The following ALS2 variants were observed in gnomAD, a reference collection of about 807,000 sequenced individuals.
The protein encoded by ALS2 is alsin.
In ALS2, 117 loss-of-function variants were observed where a neutral mutation model predicts 203.4. That is an observed-to-expected ratio of 0.58 (90% CI 0.50 to 0.67). ALS2 has a LOEUF of 0.67. ALS2 is among the 30% of genes least tolerant of loss of function. The pLI is 0.00. For synonymous variants in ALS2, 718 were observed against 725.9 expected (o/e 0.99, Z 0.17); for missense variants, 1,715 against 1,989.4 (o/e 0.86, Z 2.62).
At chr2:201,769,273 C>T (rs567168409) in intron 1 of ALS2, among the ~76,000 whole-genome samples, 142 of 152,222 alleles carry the variant, frequency 9.3e-4, no homozygotes, top group African/African-American at 3.2e-3. Context: ...GTGTTAAGTA[C>T]AAAAAGTACA....
rs562625853 is a variant in ALS2 at position 201,744,549 on chromosome 2, C to A, written c.1999-120G>T. On this transcript the variant is annotated intron_variant, in intron 9 of 33. Transcript: ENST00000264276. Reference sequence around the variant, plus strand: ...AACTGTTAAATATTCAGAAAATTTGCAAGCAAGTAATTAAACCATTGGCAG... The same window carrying A: ...AACTGTTAAATATTCAGAAAATTTGAAAGCAAGTAATTAAACCATTGGCAG... The A allele has an allele frequency of 1.1e-5, 12 of 1,085,096 alleles. No homozygotes were observed. In the South Asian group the frequency reaches 1.7e-4, roughly 15 times the overall value. The allele number at this position is 1,085,096 out of a possible 1,614,324, so 67.2% of individuals were successfully genotyped here. A position where few individuals can be genotyped will look rare whatever the true frequency, so the allele number is the denominator to read the frequency against.
chr2:201,741,531 T>G, intron 11 of ALS2, 143 bp downstream of exon 11: 1 of 872,152 alleles, frequency 1.1e-6, no homozygotes, highest in Non-Finnish European at 1.8e-6. Flanking sequence ...AGAACTATAG[T>G]TGGCTTAAGA....
At position 201,729,106 on chromosome 2, in the gene ALS2, C is replaced by A. The variant is rs1370816047; in HGVS notation, c.2658G>T (p.Arg886Ser). 1 of 1,614,042 alleles carries A rather than the reference C, an allele frequency of 6.2e-7. No homozygotes were observed. Among genetic ancestry groups the A allele is most frequent in the Non-Finnish European group, 8.5e-7 (1 of 1,180,014 alleles). The change falls in exon 14 of 34, where the codon AGG (arginine) becomes AGT (serine). Residue 886 changes from arginine to serine, a missense_variant. Arg to Ser is a moderately radical substitution (Grantham distance 110, BLOSUM62 -1). Around this residue, in one of 3 missense-constraint regions of ALS2, gnomAD observed 1,227 missense variants for 1,413.5 expected, o/e 0.87. Coordinates refer to ENST00000264276, the MANE Select transcript of ALS2 (RefSeq NM_020919.4). ...AGCCCAGTGTGTATTCTGCTTCCTT[C>A]CTTTTCCTGCCGAGATGGAGAGCAA... is the stretch of plus-strand genomic sequence containing the variant. Reference protein sequence around the residue: ...ECLALHLGRKRKEAEYTLGFW... With the variant: ...ECLALHLGRKSKEAEYTLGFW...
chr2:201,704,280 T>C (rs1171974900), intron 32 of ALS2, 62 bp from the exon 33 acceptor site: 6 of 1,533,662 alleles, frequency 3.9e-6, no homozygotes, highest in Non-Finnish European at 3.6e-6. Context: ...TCCTTTTGAA[T>C]CTAGTTGATG....
chr2:201,753,088 A>T (rs1693163580), intron 7 of ALS2, 58 bp downstream of exon 7: 10 of 1,348,128 alleles, frequency 7.4e-6, no homozygotes, highest in Non-Finnish European at 1.1e-5. Flanking sequence ...AGGGTCCAAC[A>T]ATGTCATGTT....
chr2:201,743,160 C>A (rs1692398981), intron 10 of ALS2, among the ~76,000 whole-genome samples: 1 of 151,958 alleles, frequency 6.6e-6, no homozygotes, highest in African/African-American at 2.4e-5. Context: ...GAGAATTAAC[C>A]TGAATTCTGG....
intron 3 of ALS2, chr2:201,765,782 T>C (rs1365857641): frequency 1.2e-5 from 2 of 167,046 alleles, no homozygotes; most frequent in Non-Finnish European, 2.9e-5. Context: ...GTTTCGGTAA[T>C]AGACTCATAG....
intron 3 of ALS2, among the ~76,000 whole-genome samples, chr2:201,765,075 G>A (rs1385064472): frequency 3.3e-5 from 5 of 151,832 alleles, no homozygotes; most frequent in Middle Eastern, 3.4e-3. Flanking sequence ...CTCACTGCAC[G>A]CAGCTTTGGT....
chr2:201,772,311 G>C (rs1225615351), intron 1 of ALS2, among the ~76,000 whole-genome samples: 1 of 152,018 alleles, frequency 6.6e-6, no homozygotes, highest in Non-Finnish European at 1.5e-5. Flanking sequence ...ATCTAGTCTA[G>C]ATGTCCCAAC....
chr2:201,754,171 C>A (rs777827350), intron 6 of ALS2, among the ~76,000 whole-genome samples: 60 of 152,208 alleles, frequency 3.9e-4, no homozygotes, highest in Admixed American at 2.0e-4. Flanking sequence ...CACCACCATG[C>A]CCAGCTAATT....
intron 1 of ALS2, among the ~76,000 whole-genome samples, chr2:201,772,067 T>C (rs572721560): frequency 7.9e-5 from 12 of 152,302 alleles, no homozygotes; most frequent in Non-Finnish European, 1.3e-4. Context: ...TACCACTCTA[T>C]CCTTCAAATT....
chr2:201,731,805 A>G (rs966573497), intron 13 of ALS2, among the ~76,000 whole-genome samples: 1 of 152,198 alleles, frequency 6.6e-6, no homozygotes, highest in Non-Finnish European at 1.5e-5. Flanking sequence ...AGAGAAAGAA[A>G]GTGTTAGCAA....
intron 12 of ALS2, among the ~76,000 whole-genome samples, chr2:201,737,933 A>G (rs2106033881): frequency 6.6e-6 from 1 of 152,160 alleles, no homozygotes; most frequent in African/African-American, 2.4e-5. Context: ...AAAAAAAAAA[A>G]GCAAACATGG....
At position 201,726,646 on chromosome 2, in the gene ALS2, A is replaced by C; in HGVS notation, c.3182+18T>G. ...GATGATCATCCTCACCCCAGGCATA[A>C]ATCTTCAACATTTTCACCTGCCATG... On this transcript the variant is annotated intron_variant, in intron 18 of 33. Coordinates refer to ENST00000264276, the MANE Select transcript of ALS2 (RefSeq NM_020919.4). The C allele has an allele frequency of 6.2e-7, 1 of 1,613,606 alleles. No homozygotes were observed. Among genetic ancestry groups the C allele is most frequent in the Non-Finnish European group, 8.5e-7 (1 of 1,179,560 alleles).
At chr2:201,710,157 G>T in intron 26 of ALS2, 119 bp from the exon 27 acceptor site, 1 of 1,234,632 alleles carries the variant, frequency 8.1e-7, no homozygotes. Flanking sequence ...AGTCAATTTT[G>T]GGACCAGGAA....
rs188192197 is a variant in ALS2, at chr2:201,771,620, A to T, written c.-60-2675T>A. On this transcript the variant is annotated intron_variant, in intron 1 of 33. Transcript: ENST00000264276. Reference sequence around the variant, plus strand: ...CATCCAGGAAAAGAAAGTAAATGAAAAACTTTTGTCTTTCTAATATTTTTA... The same window carrying T: ...CATCCAGGAAAAGAAAGTAAATGAATAACTTTTGTCTTTCTAATATTTTTA... Among the ~76,000 whole-genome samples the T allele has an allele frequency of 2.5e-3, 385 of 152,322 alleles. 1 individual carries two copies. The highest frequency in any genetic ancestry group is 4.4e-3 in the Non-Finnish European group (301 of 68,028).
intron 10 of ALS2, among the ~76,000 whole-genome samples, chr2:201,744,019 C>A (rs1360321548): frequency 1.3e-5 from 2 of 152,140 alleles, no homozygotes; most frequent in African/African-American, 4.8e-5. Flanking sequence ...CTAAAAGTTC[C>A]ATTTTCTACT....
intron 4 of ALS2, chr2:201,759,991 C>G (rs1384873383): frequency 2.0e-6 from 2 of 983,872 alleles, no homozygotes; most frequent in Non-Finnish European, 2.4e-6. Flanking sequence ...TTTGTTCATT[C>G]TACCACAAAT....
intron 27 of ALS2, 34 bp from the exon 28 acceptor site, chr2:201,708,025 A>ATATTT: frequency 6.3e-7 from 1 of 1,597,028 alleles, no homozygotes; most frequent in Non-Finnish European, 8.6e-7. Context: ...TTATACAATT[A>ATATTT]TACCTCTAGG....
Sources: gnomAD v4.1 joint callset for allele counts (sites outside exome capture counted in the v4.1 genomes callset) on GRCh38, gnomAD v4.1.1 for gene constraint, gnomAD v4.1.1 regional missense constraint, MANE v1.5 for transcripts, NCBI Gene and HGNC (gene_info 2026-07-23, HGNC 2026-07-21) for gene names.